PKP4: variants seen among roughly 807,000 people sequenced by gnomAD.
PKP4 encodes plakophilin-4.
PKP4 carries 90 observed loss-of-function variants against 145.1 expected under a neutral mutation model. That is an observed-to-expected ratio of 0.62 (90% CI 0.52 to 0.74). PKP4 has a LOEUF of 0.74. Among genes scored for constraint, PKP4 ranks in the 30% least tolerant of loss-of-function variants. The pLI is 0.00. For missense variants in PKP4, 1,340 were observed against 1,482.7 expected (o/e 0.90, Z 1.58); for synonymous variants, 563 against 577.2 (o/e 0.98, Z 0.35).
chr2:158,486,904 T>G (rs1694247230), intron 1 of PKP4, among the ~76,000 whole-genome samples: 1 of 152,242 alleles, frequency 6.6e-6, no homozygotes, highest in Admixed American at 6.5e-5. Context: ...AGTATTTGTG[T>G]ACTAGCCATT....
At chr2:158,662,869 T>C in intron 13 of PKP4, 28 bp from the exon 14 acceptor site, 10 of 1,569,908 alleles carry the variant, frequency 6.4e-6, no homozygotes, top group Non-Finnish European at 7.8e-6. Flanking sequence ...CCGAGTTGTT[T>C]TTAATTATAC....
chr2:158,629,767 G>C (rs1009010102), intron 7 of PKP4, among the ~76,000 whole-genome samples: 3 of 152,096 alleles, frequency 2.0e-5, no homozygotes, highest in Admixed American at 2.0e-4. Flanking sequence ...CTGGCGTGCA[G>C]TGGCGCGATC....
chr2:158,582,808 C>G (rs1260843333), intron 3 of PKP4, among the ~76,000 whole-genome samples: 1 of 152,068 alleles, frequency 6.6e-6, no homozygotes, highest in Non-Finnish European at 1.5e-5. Flanking sequence ...AGTAATTTTC[C>G]ACGGGGCCAA....
chr2:158,639,328 G>GTGTT, intron 9 of PKP4, among the ~76,000 whole-genome samples: 1 of 151,904 alleles, frequency 6.6e-6, no homozygotes, highest in African/African-American at 2.4e-5. Context: ...AGGGGTGTGT[G>GTGTT]TGTGTGTGTG....
intron 2 of PKP4, among the ~76,000 whole-genome samples, chr2:158,567,482 G>T (rs936493003): frequency 1.3e-5 from 2 of 152,166 alleles, no homozygotes; most frequent in South Asian, 2.1e-4. Context: ...AGCGTGGTGC[G>T]CAGTGGTTAA....
At position 158,680,481 on chromosome 2, in the gene PKP4, C is replaced by G. The variant is rs753049090; in HGVS notation, c.3383C>G (p.Ala1128Gly). Residue 1128 changes from alanine (A) to glycine (G), a missense_variant, in exon 22 of 22, where the codon GCA becomes GGA. Transcript: ENST00000389759. ...QDDSNRKNFD[A>G]YRLYLQSPHS... ...GACTCCAACAGAAAGAACTTTGATG[C>G]ATACAGATTGTATTTGCAGTCTCCT... 6.2e-7 allele frequency: 1 copy of G among 1,611,868 alleles called. No homozygotes were observed.
At chr2:158,557,322 C>T (rs939440088) in intron 2 of PKP4, among the ~76,000 whole-genome samples, 1 of 152,022 alleles carries the variant, frequency 6.6e-6, no homozygotes, top group Non-Finnish European at 1.5e-5. Context: ...ACTGAAAACA[C>T]AGGAGGAAAT....
At chr2:158,671,225 AT>A (rs1389513263) in intron 17 of PKP4, among the ~76,000 whole-genome samples, 23 of 152,166 alleles carry the variant, frequency 1.5e-4, no homozygotes, top group Non-Finnish European at 3.1e-4. Context: ...TCTCATCTTT[AT>A]ACTTTTGAAG....
At chr2:158,640,254 C>A (rs2054160882) in intron 9 of PKP4, among the ~76,000 whole-genome samples, 1 of 152,252 alleles carries the variant, frequency 6.6e-6, no homozygotes, top group Non-Finnish European at 1.5e-5. Context: ...TCAGGCATGA[C>A]ATCTCACTTC....
At chr2:158,528,556 C>A (rs2043181729) in intron 1 of PKP4, among the ~76,000 whole-genome samples, 1 of 129,988 alleles carries the variant, frequency 7.7e-6, no homozygotes, top group Non-Finnish European at 1.6e-5. Context: ...TTAGTGGGTG[C>A]AGCGCACCAG....
intron 1 of PKP4, among the ~76,000 whole-genome samples, chr2:158,532,262 T>G (rs1031492149): frequency 1.3e-5 from 2 of 152,174 alleles, no homozygotes; most frequent in Admixed American, 6.5e-5. Context: ...ATATACAGAG[T>G]GACACATCTA....
chr2:158,577,380 C>T lies in PKP4; in HGVS notation c.242C>T (p.Thr81Ile). ...LGAESPSIAS[T>I]SSTEKSFPWR... is the part of the protein sequence containing the mutation. ...GCAGAATCACCAAGCATCGCCAGCACCAGGTACAGGGCCAATGGCTCCATC... is the reference window on the plus strand; with the variant it reads ...GCAGAATCACCAAGCATCGCCAGCATCAGGTACAGGGCCAATGGCTCCATC... The change falls in exon 3 of 22, where the codon ACC becomes ATC. Residue 81 changes from threonine to isoleucine, a missense_variant. By Grantham distance (89) the Thr-to-Ile change is moderately conservative. Transcript: ENST00000389759. 6.2e-7 allele frequency: 1 copy of T among 1,604,326 alleles called. No individual in the cohort carries two copies. The highest frequency in any genetic ancestry group is 2.2e-5 in the East Asian group (1 of 44,756).
intron 13 of PKP4, chr2:158,662,403 A>G (rs1003367710): frequency 6.5e-6 from 1 of 152,872 alleles, no homozygotes; most frequent in Non-Finnish European, 1.5e-5. Flanking sequence ...TTTAGGGAAC[A>G]AAAGACCATG....
chr2:158,678,911 A>G, intron 21 of PKP4: 1 of 523,820 alleles, frequency 1.9e-6, no homozygotes, highest in Non-Finnish European at 3.5e-6. Flanking sequence ...TCTTTAGTTC[A>G]TGTCTTTTGC....
intron 7 of PKP4, among the ~76,000 whole-genome samples, chr2:158,631,036 C>T (rs1432722771): frequency 1.3e-5 from 2 of 152,116 alleles, no homozygotes; most frequent in Non-Finnish European, 2.9e-5. Context: ...CTTCCGGGTT[C>T]ACGCCATTCT....
At chr2:158,513,684 G>T (rs1365620737) in intron 1 of PKP4, among the ~76,000 whole-genome samples, 1 of 152,058 alleles carries the variant, frequency 6.6e-6, no homozygotes, top group African/African-American at 2.4e-5. Context: ...CCTTCACTGG[G>T]ACCAGTGACA....
At chr2:158,534,378 A>AT (rs200630217) in intron 2 of PKP4, among the ~76,000 whole-genome samples, 3 of 151,678 alleles carry the variant, frequency 2.0e-5, no homozygotes, top group East Asian at 1.9e-4. Flanking sequence ...AGATGTCAAC[A>AT]TTTTTTTTTA....
intron 1 of PKP4, among the ~76,000 whole-genome samples, chr2:158,498,294 C>T (rs1164682725): frequency 6.6e-6 from 1 of 152,078 alleles, no homozygotes; most frequent in African/African-American, 2.4e-5. Context: ...AGCTTTTCCA[C>T]ACATTTTTTA....
At chr2:158,498,409 G>C (rs1211711815) in intron 1 of PKP4, among the ~76,000 whole-genome samples, 2 of 152,162 alleles carry the variant, frequency 1.3e-5, no homozygotes, top group Admixed American at 1.3e-4. Flanking sequence ...TCTCATGATG[G>C]ATTCTGTACT....
Sources: gnomAD v4.1 joint callset for allele counts (sites outside exome capture counted in the v4.1 genomes callset) on GRCh38, gnomAD v4.1.1 for gene constraint, MANE v1.5 for transcripts, NCBI Gene and HGNC (gene_info 2026-07-23, HGNC 2026-07-21) for gene names.